Variants in GRIK2 observed in about 807,000 individuals in gnomAD.
GRIK2 encodes glutamate receptor ionotropic, kainate 2.
Under a neutral mutation model 100.3 loss-of-function variants are expected in GRIK2, and 32 were observed. The observed-to-expected ratio is 0.32, with a 90% CI of 0.24 to 0.43. The LOEUF is 0.43. Among genes scored for constraint, GRIK2 ranks in the 20% least tolerant of loss-of-function variants. The probability of loss-of-function intolerance (pLI) is 1.00; values close to 1 mark genes in which losing one functional copy is unlikely to be tolerated. For synonymous variants in GRIK2, 417 were observed against 389.4 expected (o/e 1.07, Z -0.83); for missense variants, 843 against 1,114.9 (o/e 0.76, Z 3.47).
At chr6:102,002,290 ATGTG>A (rs971300375) in intron 14 of GRIK2, among the ~76,000 whole-genome samples, 9 of 147,590 alleles carry the variant, frequency 6.1e-5, no homozygotes, top group East Asian at 3.9e-4. Flanking sequence ...GTGTGTATAT[ATGTG>A]TGTGTGTGTG....
intron 2 of GRIK2, among the ~76,000 whole-genome samples, chr6:101,518,710 G>C (rs1000289619): frequency 6.6e-6 from 1 of 152,114 alleles, no homozygotes. Flanking sequence ...GCATACTCTA[G>C]CATATTAAGG....
chr6:101,550,135 A>G (rs959611878), intron 2 of GRIK2, among the ~76,000 whole-genome samples: 1 of 152,146 alleles, frequency 6.6e-6, no homozygotes, highest in East Asian at 1.9e-4. Context: ...TGCATTCTCC[A>G]TTTTTTACTA....
chr6:101,906,615 G>T (rs1396198823), intron 12 of GRIK2, among the ~76,000 whole-genome samples: 1 of 151,610 alleles, frequency 6.6e-6, no homozygotes, highest in South Asian at 2.1e-4. Flanking sequence ...ACTGTAAAAG[G>T]CATAAAAAGC....
intron 7 of GRIK2, among the ~76,000 whole-genome samples, chr6:101,691,089 T>G (rs1772059995): frequency 6.6e-6 from 1 of 152,158 alleles, no homozygotes; most frequent in Non-Finnish European, 1.5e-5. Context: ...GAGCTCATAA[T>G]GAGAGAGTGA....
intron 10 of GRIK2, among the ~76,000 whole-genome samples, chr6:101,858,883 A>G (rs1784587752): frequency 6.6e-6 from 1 of 151,972 alleles, no homozygotes; most frequent in African/African-American, 2.4e-5. Context: ...TGGAAACAGC[A>G]TACCAGATAT....
intron 2 of GRIK2, among the ~76,000 whole-genome samples, chr6:101,585,762 A>G (rs963136555): frequency 2.6e-5 from 4 of 152,128 alleles, no homozygotes; most frequent in African/African-American, 9.6e-5. Flanking sequence ...GCAAACAAAT[A>G]GGCAAATATA....
intron 7 of GRIK2, among the ~76,000 whole-genome samples, chr6:101,743,425 A>T (rs893919157): frequency 6.6e-6 from 1 of 152,222 alleles, no homozygotes; most frequent in African/African-American, 2.4e-5. Context: ...GCAGGGTTTA[A>T]TCCATCTTAT....
chr6:101,577,615 C>T (rs1188447717), intron 2 of GRIK2, among the ~76,000 whole-genome samples: 2 of 151,986 alleles, frequency 1.3e-5, no homozygotes, highest in African/African-American at 4.8e-5. Flanking sequence ...TTAGAGTACA[C>T]ATAGTGGATC....
chr6:101,884,949 T>TA (rs1786510580), intron 11 of GRIK2, among the ~76,000 whole-genome samples: 1 of 152,130 alleles, frequency 6.6e-6, no homozygotes, highest in Non-Finnish European at 1.5e-5. Flanking sequence ...ATTAAGTTAA[T>TA]AAGATAGCTG....
At chr6:101,961,331 C>G (rs1414358572) in intron 14 of GRIK2, among the ~76,000 whole-genome samples, 1 of 152,110 alleles carries the variant, frequency 6.6e-6, no homozygotes, top group African/African-American at 2.4e-5. Context: ...TGCTGCTGTT[C>G]TGTGTAGAGT....
Position 101,751,252 on chromosome 6 carries a change from CT to C in GRIK2, c.952-48386del, listed in dbSNP as rs545040619. ...CCACACCTAGCTATTTTCTAAATTTCTTTTTTTTTTATTTTTACTTTTTATT... is the reference window on the plus strand; with the variant it reads ...CCACACCTAGCTATTTTCTAAATTTCTTTTTTTTTATTTTTACTTTTTATT... On this transcript the variant is annotated intron_variant, in intron 7 of 16. Coordinates refer to ENST00000369134, the MANE Select transcript of GRIK2 (RefSeq NM_021956.5). Among the ~76,000 whole-genome samples the C allele has an allele frequency of 4.2e-4, 62 of 148,280 alleles. No homozygotes were observed. The South Asian group carries it at 9.9e-3, about 24-fold the overall frequency.
At chr6:101,617,625 C>T (rs181656699) in intron 2 of GRIK2, among the ~76,000 whole-genome samples, 2 of 151,634 alleles carry the variant, frequency 1.3e-5, no homozygotes, top group Admixed American at 6.6e-5. Context: ...TTCATTTTAG[C>T]CATGCTGGTG....
chr6:101,775,189 T>C (rs1427000997), intron 7 of GRIK2, among the ~76,000 whole-genome samples: 1 of 152,186 alleles, frequency 6.6e-6, no homozygotes, highest in Non-Finnish European at 1.5e-5. Context: ...TGGTTGTTGT[T>C]CAAAATAAGC....
chr6:101,958,893 A>G (rs926950579), intron 14 of GRIK2, among the ~76,000 whole-genome samples: 2 of 152,056 alleles, frequency 1.3e-5, no homozygotes, highest in Admixed American at 1.3e-4. Flanking sequence ...ATTATGGTGT[A>G]TTACATTTCT....
At chr6:101,549,309 C>G (rs538752981) in intron 2 of GRIK2, among the ~76,000 whole-genome samples, 143 of 147,018 alleles carry the variant, frequency 9.7e-4, no homozygotes, top group African/African-American at 3.4e-3. Context: ...TAGTATTTCT[C>G]TGTGGTAGAT....
chr6:101,493,187 AAAGAG>A (rs554188078), intron 2 of GRIK2, among the ~76,000 whole-genome samples: 367 of 152,150 alleles, frequency 2.4e-3, no homozygotes, highest in Middle Eastern at 6.8e-3. Context: ...CAGTGAGAAT[AAAGAG>A]AAGAGAAGAG....
intron 14 of GRIK2, among the ~76,000 whole-genome samples, chr6:102,020,455 G>C (rs1238855744): frequency 6.6e-6 from 1 of 151,702 alleles, no homozygotes; most frequent in African/African-American, 2.4e-5. Flanking sequence ...GAAACATCAG[G>C]GTAAGGAGAT....
intron 15 of GRIK2, among the ~76,000 whole-genome samples, chr6:102,037,213 A>G (rs905580404): frequency 3.3e-5 from 5 of 151,352 alleles, no homozygotes; most frequent in African/African-American, 9.7e-5. Context: ...TGAAATGAAA[A>G]AAAACAAACG....
At chr6:101,988,758 C>T (rs1342212718) in intron 14 of GRIK2, among the ~76,000 whole-genome samples, 2 of 151,794 alleles carry the variant, frequency 1.3e-5, no homozygotes, top group Non-Finnish European at 1.5e-5. Context: ...TAATTTACAT[C>T]AACAAATTCA....
Sources: gnomAD v4.1 joint callset for allele counts (sites outside exome capture counted in the v4.1 genomes callset) on GRCh38, gnomAD v4.1.1 for gene constraint, MANE v1.5 for transcripts, NCBI Gene and HGNC (gene_info 2026-07-23, HGNC 2026-07-21) for gene names.